Variants in ASH1L observed in about 807,000 individuals in gnomAD.
ASH1L encodes histone-lysine N-methyltransferase ASH1L.
In ASH1L, 23 loss-of-function variants were observed where a neutral mutation model predicts 269.0. The observed-to-expected ratio is 0.09, with a 90% confidence interval of 0.06 to 0.12. The LOEUF is 0.12. Ranked by LOEUF, ASH1L falls within the 10% of genes least tolerant of loss-of-function variation. The pLI is 1.00. For synonymous variants in ASH1L, 1,187 were observed against 1,253.5 expected (o/e 0.95, Z 1.12); for missense variants, 2,912 against 3,567.8 (o/e 0.82, Z 4.68).
chr1:155,418,976 C>G (rs1333594598), intron 5 of ASH1L, among the ~76,000 whole-genome samples: 2 of 152,128 alleles, frequency 1.3e-5, no homozygotes, highest in Admixed American at 6.6e-5. Flanking sequence ...GAGGCTGAGG[C>G]AGGAGAATGG....
intron 6 of ASH1L, among the ~76,000 whole-genome samples, chr1:155,407,976 A>G (rs1659434272): frequency 6.6e-6 from 1 of 152,174 alleles, no homozygotes; most frequent in Non-Finnish European, 1.5e-5. Context: ...TTCTGGAATA[A>G]TAACAATGTT....
intron 6 of ASH1L, chr1:155,396,384 G>C (rs571353696): frequency 1.3e-5 from 2 of 151,896 alleles, no homozygotes; most frequent in African/African-American, 4.8e-5. Context: ...GTGTGATCTT[G>C]GCTCACTGCA....
chr1:155,402,102 T>C (rs1006038887), intron 6 of ASH1L, among the ~76,000 whole-genome samples: 1 of 151,818 alleles, frequency 6.6e-6, no homozygotes, highest in Non-Finnish European at 1.5e-5. Context: ...AAAAAAATCA[T>C]ACTAGCTGGG....
At chr1:155,552,019 G>T (rs549226456) in intron 1 of ASH1L, among the ~76,000 whole-genome samples, 1 of 152,140 alleles carries the variant, frequency 6.6e-6, no homozygotes, top group South Asian at 2.1e-4. Context: ...TAATATACTG[G>T]CTAACAGTAT....
chr1:155,425,847 G>C (rs533119134), intron 5 of ASH1L, among the ~76,000 whole-genome samples: 2 of 151,800 alleles, frequency 1.3e-5, no homozygotes, highest in South Asian at 4.2e-4. Flanking sequence ...CAAAGTACCA[G>C]GATTACAGGT....
At chr1:155,451,877 T>G (rs927864544) in intron 4 of ASH1L, among the ~76,000 whole-genome samples, 1 of 151,982 alleles carries the variant, frequency 6.6e-6, no homozygotes, top group East Asian at 1.9e-4. Context: ...TGTGTCACCA[T>G]GGCCGGCTAA....
intron 6 of ASH1L, among the ~76,000 whole-genome samples, chr1:155,397,370 G>A (rs1309823784): frequency 6.6e-6 from 1 of 151,444 alleles, no homozygotes; most frequent in Admixed American, 6.6e-5. Flanking sequence ...GGTGGAGCGC[G>A]CTGGTAATCC....
chr1:155,512,237 A>G (rs1365299676), intron 2 of ASH1L, among the ~76,000 whole-genome samples: 1 of 151,920 alleles, frequency 6.6e-6, no homozygotes, highest in Non-Finnish European at 1.5e-5. Context: ...CACTGAAGAT[A>G]AAGTAGAAAG....
At position 155,479,422 on chromosome 1, in the gene ASH1L, C is replaced by A; in HGVS notation, c.3448G>T (p.Ala1150Ser). ...CTCCCCTTTGAGGCCTTCTTCATTG[C>A]AAGAGTCTGAATCATACTGCCCTGT... is the stretch of plus-strand genomic sequence containing the variant. Reference protein sequence around the residue: ...SRQGSMIQTLAMKKASKGRRR... With the variant: ...SRQGSMIQTLSMKKASKGRRR... The change falls in exon 3 of 28, where the codon GCA becomes TCA. Residue 1150 changes from alanine (A) to serine (S), a missense_variant. Physicochemically the swap from Ala to Ser is moderately conservative, Grantham distance 99. Transcript: ENST00000392403. The A allele has an allele frequency of 1.2e-6, 2 of 1,614,104 alleles. No individual in the cohort carries two copies. Among genetic ancestry groups the A allele is most frequent in the Non-Finnish European group, 1.7e-6 (2 of 1,180,000 alleles).
chr1:155,360,319 G>A lies in ASH1L; in HGVS notation c.6777C>T (p.Ser2259=), dbSNP rs746392975. The A allele has an allele frequency of 1.1e-5, 18 of 1,611,444 alleles. No homozygotes were observed. The highest frequency in any genetic ancestry group is 2.2e-5 in the East Asian group (1 of 44,876). ...TELTYDYNFH[S]FNVEKQQLCK... The stretch of plus-strand genomic sequence containing the variant: ...TTCTTACCTGTTTTTCCACATTGAA[G>A]GAATGAAAGTTATAATCATAAGTGA... Residue 2259 remains serine, a synonymous_variant, in exon 13 of 28, where the codon TCC becomes TCT. Transcript: ENST00000392403.
At chr1:155,358,515 C>A (rs1050152196) in intron 13 of ASH1L, among the ~76,000 whole-genome samples, 1 of 151,828 alleles carries the variant, frequency 6.6e-6, no homozygotes, top group African/African-American at 2.4e-5. Flanking sequence ...AAAACCCAGT[C>A]TCTACTAAAA....
At chr1:155,496,507 TCTA>T (rs1446471164) in intron 2 of ASH1L, among the ~76,000 whole-genome samples, 1 of 152,240 alleles carries the variant, frequency 6.6e-6, no homozygotes, top group African/African-American at 2.4e-5. Flanking sequence ...TAATATAAAA[TCTA>T]CTACAGAACT....
chr1:155,375,072 C>T (rs536527353), intron 10 of ASH1L, among the ~76,000 whole-genome samples: 4 of 152,172 alleles, frequency 2.6e-5, no homozygotes, highest in Admixed American at 6.5e-5. Context: ...CCTCAGCCTC[C>T]CAAAGTGTTG....
At chr1:155,363,619 T>C (rs1353456855) in intron 12 of ASH1L, among the ~76,000 whole-genome samples, 2 of 152,090 alleles carry the variant, frequency 1.3e-5, no homozygotes, top group Non-Finnish European at 2.9e-5. Context: ...TTGTGAATAG[T>C]TTTATAGGTG....
At chr1:155,445,244 C>T (rs927805286) in intron 4 of ASH1L, among the ~76,000 whole-genome samples, 4 of 152,034 alleles carry the variant, frequency 2.6e-5, no homozygotes, top group Admixed American at 6.6e-5. Flanking sequence ...AGTGCAATAG[C>T]GTGATCACTG....
intron 4 of ASH1L, among the ~76,000 whole-genome samples, chr1:155,454,924 G>C (rs190739206): frequency 3.3e-5 from 5 of 152,198 alleles, no homozygotes; most frequent in Admixed American, 3.3e-4. Context: ...TTGGTAGCCT[G>C]AATATAATAG....
chr1:155,357,783 T>G (rs760380206), intron 13 of ASH1L, 34 bp from the exon 14 acceptor site: 17 of 1,576,464 alleles, frequency 1.1e-5, no homozygotes, highest in Non-Finnish European at 1.5e-5. Flanking sequence ...TTTATTTTTA[T>G]TTTTTTAAGG....
intron 6 of ASH1L, among the ~76,000 whole-genome samples, chr1:155,402,840 C>T (rs1225174112): frequency 6.6e-6 from 1 of 151,692 alleles, no homozygotes; most frequent in Non-Finnish European, 1.5e-5. Context: ...AAGTATGAGC[C>T]ACCACACCCA....
Position 155,370,551 on chromosome 1 carries a change from G to A in ASH1L, c.6639C>T (p.Ala2213=). 6.2e-7 allele frequency: 1 copy of A among 1,614,022 alleles called. No homozygotes were observed. Among genetic ancestry groups the A allele is most frequent in the Non-Finnish European group, 8.5e-7 (1 of 1,180,006 alleles). ...GGTCACAGCTATGGTTGATGAATCG[G>A]GCCTCATTTCCCATGCGGTAACTGT... ...VIDSYRMGNE[A]RFINHSCDPN... The change falls in exon 12 of 28, where the codon GCC becomes GCT. Residue 2213 remains alanine, a synonymous_variant. Coordinates refer to ENST00000392403, the MANE Select transcript of ASH1L (RefSeq NM_018489.3).
Sources: allele counts gnomAD v4.1 joint callset (sites outside exome capture counted in the v4.1 genomes callset), GRCh38; gene constraint gnomAD v4.1.1; transcripts MANE v1.5; gene names NCBI Gene and HGNC (gene_info 2026-07-23, HGNC 2026-07-21).